The following NEK10 variants were observed in gnomAD, a reference collection of about 807,000 sequenced individuals.
NEK10 encodes the protein serine/threonine-protein kinase Nek10.
A neutral mutation model predicts 159.8 loss-of-function variants in NEK10; 122 were observed. The ratio of observed to expected loss-of-function variants is 0.76; its 90% CI spans 0.66 to 0.89. NEK10 has a LOEUF of 0.89. NEK10 is among the 40% of genes least tolerant of loss of function. The pLI is 0.00. For synonymous variants in NEK10, 466 were observed against 457.1 expected (o/e 1.02, Z -0.25); for missense variants, 1,342 against 1,323.1 (o/e 1.01, Z -0.22).
In NEK10 at chr3:27,210,172, G is replaced by T. The variant is rs548451531; in HGVS notation, c.2091-7615C>A. On this transcript the variant is annotated intron_variant, in intron 23 of 35. Transcript: ENST00000691995. ...AAACTAGACAATTTATAAAGAAAAG[G>T]AACTTGTTTCTTACAATTCTGGAGG... 5.9e-5 allele frequency among the ~76,000 whole-genome samples: 9 copies of T among 152,196 alleles called. No homozygotes were observed. In the South Asian group the frequency reaches 1.7e-3, roughly 28 times the overall value.
At chr3:27,193,845 A>G (rs2148990403) in intron 25 of NEK10, among the ~76,000 whole-genome samples, 1 of 152,090 alleles carries the variant, frequency 6.6e-6, no homozygotes, top group East Asian at 1.9e-4. Flanking sequence ...TCACCACTAG[A>G]CTGGAAACTT....
At chr3:27,146,043 G>A (rs1944267014) in intron 30 of NEK10, among the ~76,000 whole-genome samples, 2 of 152,116 alleles carry the variant, frequency 1.3e-5, no homozygotes, top group Non-Finnish European at 2.9e-5. Context: ...TAAAAGGACT[G>A]CTACTTTTAA....
chr3:27,369,236 G>T lies in NEK10; in HGVS notation c.-49C>A, dbSNP rs1012269036. On this transcript the variant is annotated 5_prime_UTR_variant, in exon 1 of 36. Transcript: ENST00000691995. The surrounding 1 kb of genome is among the most constrained non-coding windows in gnomAD (Gnocchi z 4.2). ...TCCCGCCTACTCACCGCGCGGGAGG[G>T]ACGGTCCCTCCTTCAGGCCAATCTC... The T allele has an allele frequency of 6.6e-6, 1 of 152,192 alleles. No individual in the cohort carries two copies. The highest frequency in any genetic ancestry group is 1.5e-5 in the Non-Finnish European group (1 of 68,122). The allele number at this position is 152,192 out of a possible 1,614,324, so 9.4% of individuals were successfully genotyped here. A position where few individuals can be genotyped will look rare whatever the true frequency, so the allele number is the denominator to read the frequency against.
chr3:27,174,862 C>G, intron 26 of NEK10, 29 bp from the exon 27 acceptor site: 1 of 1,529,742 alleles, frequency 6.5e-7, no homozygotes, highest in South Asian at 1.3e-5. Flanking sequence ...TTTTTCATAG[C>G]CTCTTTCTCT....
intron 1 of NEK10, among the ~76,000 whole-genome samples, chr3:27,361,718 T>A (rs1345726827): frequency 6.6e-6 from 1 of 152,200 alleles, no homozygotes; most frequent in Non-Finnish European, 1.5e-5. Context: ...CCTAGAACTT[T>A]CACAAGTGAA....
chr3:27,136,174 G>A lies in NEK10; in HGVS notation c.2971-4184C>T, dbSNP rs190014937. ...GTCACCCAGGCTGGAGTGCAGTGGCGCCATCTCATCTCACTGCAAGCTCCA... is the reference window on the plus strand; with the variant it reads ...GTCACCCAGGCTGGAGTGCAGTGGCACCATCTCATCTCACTGCAAGCTCCA... On this transcript the variant is annotated intron_variant, in intron 31 of 35. Transcript: ENST00000691995. 1.6e-3 allele frequency among the ~76,000 whole-genome samples: 215 copies of A among 135,168 alleles called. 1 individual carries two copies. The highest frequency in any genetic ancestry group is 5.5e-4 in the Non-Finnish European group (36 of 65,174). 88.7% of individuals were successfully genotyped at this position (135,168 alleles called of 152,430 possible).
intron 1 of NEK10, among the ~76,000 whole-genome samples, chr3:27,360,194 A>G (rs12630194): frequency 0.61 from 92,948 of 152,022 alleles, 30,540 homozygotes; most frequent in East Asian, 0.88. Context: ...TGGAGTTAGC[A>G]GAAAAGAGAC....
chr3:27,114,037 T>A lies in NEK10; in HGVS notation c.3299+1903A>T, dbSNP rs1575344767. Among the ~76,000 whole-genome samples the A allele has an allele frequency of 2.6e-5, 4 of 152,336 alleles. No individual in the cohort carries two copies. In the East Asian group the frequency reaches 5.8e-4, roughly 22 times the overall value. On this transcript the variant is annotated intron_variant, in intron 35 of 35. Coordinates refer to ENST00000691995, the MANE Select transcript of NEK10 (RefSeq NM_001394966.1). ...AACATTCATACTATCCATGATAGTATGCTTATGTATGTAAAATGTAATTTA... is the reference window on the plus strand; with the variant it reads ...AACATTCATACTATCCATGATAGTAAGCTTATGTATGTAAAATGTAATTTA...
intron 26 of NEK10, among the ~76,000 whole-genome samples, chr3:27,177,858 A>T (rs1338335233): frequency 6.6e-6 from 1 of 152,184 alleles, no homozygotes; most frequent in Non-Finnish European, 1.5e-5. Context: ...AAGTACATTA[A>T]CCTATTAAAG....
intron 23 of NEK10, among the ~76,000 whole-genome samples, chr3:27,243,681 C>G (rs557590962): frequency 5.3e-5 from 8 of 152,216 alleles, no homozygotes; most frequent in African/African-American, 1.7e-4. Context: ...GAGCATCCAC[C>G]CCAGCCCCAA....
rs1407255099 is a variant in NEK10, at chr3:27,141,636, G to C, written c.2870-54C>G. 2.2e-6 allele frequency: 3 copies of C among 1,362,148 alleles called. No homozygotes were observed. In the Admixed American group the frequency reaches 5.6e-5, roughly 26 times the overall value. The allele number at this position is 1,362,148 out of a possible 1,614,324, so 84.4% of individuals were successfully genotyped here. A position where few individuals can be genotyped will look rare whatever the true frequency, so the allele number is the denominator to read the frequency against. On this transcript the variant is annotated intron_variant, in intron 30 of 35. Coordinates refer to ENST00000691995, the MANE Select transcript of NEK10 (RefSeq NM_001394966.1). ...AAGTTCTCTTTCAAAAGTTACATTA[G>C]TGAAAAAATGAAGTAAAATTCTAAC...
At chr3:27,265,867 C>T (rs374763764) in intron 22 of NEK10, among the ~76,000 whole-genome samples, 47 of 146,406 alleles carry the variant, frequency 3.2e-4, no homozygotes, top group East Asian at 2.0e-3. Context: ...AGTGCAGTGG[C>T]GCAATCTCGG....
chr3:27,354,964 T>C (rs1378259275), intron 1 of NEK10, among the ~76,000 whole-genome samples: 1 of 152,128 alleles, frequency 6.6e-6, no homozygotes, highest in Non-Finnish European at 1.5e-5. Context: ...ATACAGAATC[T>C]AGCTGTTAAA....
chr3:27,114,431 A>G (rs1353821004), intron 35 of NEK10, among the ~76,000 whole-genome samples: 1 of 152,192 alleles, frequency 6.6e-6, no homozygotes, highest in Non-Finnish European at 1.5e-5. Context: ...GCAGTTACAA[A>G]TCACAACAGA....
intron 13 of NEK10, among the ~76,000 whole-genome samples, chr3:27,301,350 T>G (rs951208091): frequency 6.6e-6 from 1 of 152,180 alleles, no homozygotes; most frequent in African/African-American, 2.4e-5. Context: ...TAGGGTGCCC[T>G]GGGATCTAGA....
chr3:27,298,531 T>A (rs1176091789), intron 13 of NEK10, among the ~76,000 whole-genome samples: 1 of 152,154 alleles, frequency 6.6e-6, no homozygotes, highest in African/African-American at 2.4e-5. Context: ...TTGGTACCAG[T>A]AGAGTCGGGC....
At position 27,312,147 on chromosome 3, in the gene NEK10, C is replaced by T. The variant is rs770987521; in HGVS notation, c.520G>A (p.Gly174Ser). Residue 174 changes from glycine (G) to serine (S), a missense_variant, in exon 8 of 36, where the codon GGC becomes AGC. Gly to Ser is a moderately conservative substitution (Grantham distance 56). Transcript: ENST00000691995. ...ACAGTGTGCTGCTCTTCTCCATAGC[C>T]GAGGTACTCATTGGCTACAATCTCC... ...YMEIVANEYL[G>S]YGEEQHTVDK... The T allele has an allele frequency of 4.3e-6, 7 of 1,612,056 alleles. No homozygotes were observed. The highest frequency in any genetic ancestry group is 2.2e-5 in the East Asian group (1 of 44,832).
intron 31 of NEK10, among the ~76,000 whole-genome samples, chr3:27,136,676 T>C (rs560777444): frequency 8.7e-4 from 132 of 152,306 alleles, no homozygotes; most frequent in Non-Finnish European, 1.7e-3. Context: ...ACGATTACCA[T>C]TTCAGCTTTG....
chr3:27,115,587 G>C (rs1940285229), intron 35 of NEK10, among the ~76,000 whole-genome samples: 2 of 152,132 alleles, frequency 1.3e-5, no homozygotes, highest in Non-Finnish European at 2.9e-5. Flanking sequence ...TAAGTGATAG[G>C]AGTGAGTTTT....
Sources: allele counts gnomAD v4.1 joint callset (sites outside exome capture counted in the v4.1 genomes callset), GRCh38; gene constraint gnomAD v4.1.1; non-coding constraint Gnocchi (gnomAD v3.1); transcripts MANE v1.5; gene names NCBI Gene and HGNC (gene_info 2026-07-23, HGNC 2026-07-21).